NOS2: variants seen among roughly 807,000 people sequenced by gnomAD.
The protein encoded by NOS2 is nitric oxide synthase, inducible.
NOS2 carries 96 observed loss-of-function variants against 136.0 expected under a neutral mutation model. That is an observed-to-expected ratio of 0.71 (90% CI 0.60 to 0.84). The LOEUF (loss-of-function observed/expected upper bound fraction) is 0.84. Ranked by LOEUF, NOS2 falls within the 40% of genes least tolerant of loss-of-function variation. The pLI, the probability that NOS2 is intolerant of heterozygous loss-of-function variation, is 0.00. For missense variants in NOS2, 1,237 were observed against 1,496.9 expected (o/e 0.83, Z 2.87); for synonymous variants, 539 against 587.5 (o/e 0.92, Z 1.20).
Position 27,773,223 on chromosome 17 carries a change from A to T in NOS2, c.1497T>A (p.His499Gln). The change falls in exon 13 of 27, where the codon CAT becomes CAA. Residue 499 changes from histidine to glutamine, a missense_variant. Physicochemically the swap from His to Gln is conservative, Grantham distance 24. This residue lies in a region of NOS2 where 782 missense variants were observed against 909.9 expected (regional missense o/e 0.86). Transcript: ENST00000313735. ...YYYQVEAWKT[H>Q]VWQDEKRRPK... is the part of the protein sequence containing the mutation. ...GTCTCCGCTTCTCGTCCTGCCAGAC[A>T]TGGGTTTTCCAGGCCTCTACCTTCA... 1 of 1,614,084 alleles carries T rather than the reference A, an allele frequency of 6.2e-7. No individual in the cohort carries two copies. Among genetic ancestry groups the T allele is most frequent in the Non-Finnish European group, 8.5e-7 (1 of 1,179,954 alleles).
chr17:27,782,253 T>A (rs955506330), intron 6 of NOS2, 147 bp from the exon 7 acceptor site: 8 of 685,012 alleles, frequency 1.2e-5, no homozygotes, highest in Non-Finnish European at 1.5e-5. Context: ...CAGCCTCCAA[T>A]CTGCACCTGC....
chr17:27,765,452 C>T (rs1378584234), intron 20 of NOS2, 83 bp downstream of exon 20: 5 of 1,303,872 alleles, frequency 3.8e-6, no homozygotes, highest in Admixed American at 4.9e-5. Flanking sequence ...TGGCTGTCAC[C>T]GGCAGGCCCA....
intron 17 of NOS2, among the ~76,000 whole-genome samples, chr17:27,768,187 G>A (rs1908372646): frequency 7.6e-6 from 1 of 131,926 alleles, no homozygotes; most frequent in Non-Finnish European, 1.6e-5. Context: ...CTGTAGCTGA[G>A]ACTACAGGTA....
Position 27,758,904 on chromosome 17 carries a change from C to T in NOS2, c.3331G>A (p.Glu1111Lys), listed in dbSNP as rs1390798728. The T allele has an allele frequency of 5.6e-6, 9 of 1,605,398 alleles. No individual in the cohort carries two copies. In the African/African-American group the frequency reaches 6.7e-5, roughly 12 times the overall value. ...AKLKLNEEQV[E>K]DYFFQLKSQK... ...ACCTTGAGCTGAAAGAAATAGTCCTCGACCTGCTCCTCATTCAATTTCAGC... is the reference window on the plus strand; with the variant it reads ...ACCTTGAGCTGAAAGAAATAGTCCTTGACCTGCTCCTCATTCAATTTCAGC... The change falls in exon 26 of 27, where the codon GAG (glutamate) becomes AAG (lysine). Residue 1111 changes from glutamate (E) to lysine (K), a missense_variant. This residue lies in a region of NOS2 where 782 missense variants were observed against 909.9 expected (regional missense o/e 0.86). Transcript: ENST00000313735.
chr17:27,759,892 C>G (rs1239090748), intron 25 of NOS2, 138 bp downstream of exon 25: 2 of 780,658 alleles, frequency 2.6e-6, no homozygotes, highest in Non-Finnish European at 3.9e-6. Context: ...TTCACAGCAT[C>G]ACTCTGATGG....
In NOS2 at chr17:27,780,869, C is replaced by T. The variant is rs200678947; in HGVS notation, c.902G>A (p.Arg301His). ...CAGGACCAGGGGGACCACATCGAAG[C>T]GGCCGTACTTGGGCTTCCAGCCCAG... ...IDLGWKPKYGRFDVVPLVLQA... is the reference protein window; with the variant it reads ...IDLGWKPKYGHFDVVPLVLQA... The change falls in exon 9 of 27, where the codon CGC becomes CAC. Residue 301 changes from arginine (R) to histidine (H), a missense_variant. By Grantham distance (29) the Arg-to-His change is conservative (BLOSUM62 0). Transcript: ENST00000313735. 87 of 1,613,914 alleles carry T rather than the reference C, an allele frequency of 5.4e-5. No individual in the cohort carries two copies. The highest frequency in any genetic ancestry group is 1.5e-4 in the South Asian group (14 of 91,070).
At position 27,760,199 on chromosome 17, in the gene NOS2, T is replaced by A. The variant is rs143884698; in HGVS notation, c.3011-21A>T. 1.5e-5 allele frequency: 23 copies of A among 1,526,050 alleles called. No individual in the cohort carries two copies. The East Asian group carries it at 5.4e-4, about 36-fold the overall frequency. 94.5% of individuals were successfully genotyped at this position (1,526,050 alleles called of 1,614,324 possible). A position where few individuals can be genotyped will look rare whatever the true frequency, so the allele number is the denominator to read the frequency against. On this transcript the variant is annotated intron_variant, in intron 24 of 26. Transcript: ENST00000313735. ...CACTCCTGCAGGAGTCCCGGGCTGT[T>A]GTTACCATGTTGGCCACCAGAGGGC...
chr17:27,792,908 T>A (rs1480255937), intron 2 of NOS2, among the ~76,000 whole-genome samples: 1 of 150,710 alleles, frequency 6.6e-6, no homozygotes, highest in South Asian at 2.1e-4. Flanking sequence ...GAGGATCACC[T>A]GAGCCCTGGA....
intron 15 of NOS2, 65 bp from the exon 16 acceptor site, chr17:27,769,649 C>A: frequency 1.4e-6 from 2 of 1,414,624 alleles, no homozygotes; most frequent in Non-Finnish European, 1.0e-6. Flanking sequence ...TTTTTCCTTT[C>A]TTCTGGAAAC....
Position 27,774,394 on chromosome 17 carries a change from T to C in NOS2, c.1339A>G (p.Met447Val), listed in dbSNP as rs761597619. Reference sequence around the variant, plus strand: ...CCACGGGACCGGTATTCATTCTGCATGTACTTCATGAAGGATTCTGCAGCC... The same window carrying C: ...CCACGGGACCGGTATTCATTCTGCACGTACTTCATGAAGGATTCTGCAGCC... The part of the protein sequence containing the change: ...HSAAESFMKY[M>V]QNEYRSRGGC... Residue 447 changes from methionine (M) to valine (V), a missense_variant, in exon 12 of 27, where the codon ATG (methionine) becomes GTG (valine). Transcript: ENST00000313735. The C allele has an allele frequency of 3.8e-6, 6 of 1,566,940 alleles. No individual in the cohort carries two copies. Among genetic ancestry groups the C allele is most frequent in the African/African-American group, 2.7e-5 (2 of 72,728 alleles).
intron 6 of NOS2, 102 bp downstream of exon 6, chr17:27,782,842 G>T: frequency 8.4e-7 from 1 of 1,186,838 alleles, no homozygotes; most frequent in Non-Finnish European, 1.2e-6. Context: ...CATGGCTTCA[G>T]TCCCAGGAGG....
intron 5 of NOS2, 137 bp downstream of exon 5, chr17:27,787,541 C>T (rs1280820349): frequency 9.8e-6 from 7 of 716,198 alleles, no homozygotes; most frequent in Non-Finnish European, 6.8e-6. Flanking sequence ...GTGATTTTCG[C>T]TCTGCAAAAT....
At chr17:27,791,659 C>T (rs887023145) in intron 2 of NOS2, among the ~76,000 whole-genome samples, 4 of 152,032 alleles carry the variant, frequency 2.6e-5, no homozygotes, top group Admixed American at 6.6e-5. Flanking sequence ...CAGTAGGTCC[C>T]TGTACCTATT....
intron 12 of NOS2, among the ~76,000 whole-genome samples, chr17:27,774,054 G>T (rs564249461): frequency 6.6e-6 from 1 of 152,336 alleles, no homozygotes; most frequent in Non-Finnish European, 1.5e-5. Context: ...TAGCGGTGCA[G>T]TGGAAGCCAC....
At chr17:27,766,276 T>G (rs920191573) in intron 19 of NOS2, among the ~76,000 whole-genome samples, 1 of 152,200 alleles carries the variant, frequency 6.6e-6, no homozygotes, top group African/African-American at 2.4e-5. Flanking sequence ...GGAGAGGAAG[T>G]GGAGCAGATG....
intron 2 of NOS2, among the ~76,000 whole-genome samples, chr17:27,790,182 T>C (rs528356031): frequency 6.6e-6 from 1 of 152,308 alleles, no homozygotes; most frequent in Non-Finnish European, 1.5e-5. Context: ...CAACCTCCAC[T>C]TCTCAGGTTC....
chr17:27,771,610 T>C (rs752984756), intron 14 of NOS2, among the ~76,000 whole-genome samples: 23 of 152,240 alleles, frequency 1.5e-4, no homozygotes, highest in Non-Finnish European at 2.1e-4. Context: ...GCTCATCCCA[T>C]CGTGGCATTA....
chr17:27,789,021 GCCA>G (rs1909109714), intron 3 of NOS2, 90 bp from the exon 4 acceptor site: 1 of 1,500,984 alleles, frequency 6.7e-7, no homozygotes, highest in African/African-American at 1.4e-5. Context: ...TCTATGGGTG[GCCA>G]CACAGGGCAG....
intron 26 of NOS2, among the ~76,000 whole-genome samples, chr17:27,758,148 G>T (rs1166751952): frequency 6.6e-6 from 1 of 152,170 alleles, no homozygotes; most frequent in African/African-American, 2.4e-5. Context: ...TTCATTTACT[G>T]CTCTATCCCT....
Sources: allele counts gnomAD v4.1 joint callset (sites outside exome capture counted in the v4.1 genomes callset), GRCh38; gene constraint gnomAD v4.1.1; regional missense constraint gnomAD v4.1.1; transcripts MANE v1.5; gene names NCBI Gene and HGNC (gene_info 2026-07-23, HGNC 2026-07-21).